The following CEMIP2 variants were observed in gnomAD, a reference collection of about 807,000 sequenced individuals.
CEMIP2 encodes the protein cell surface hyaluronidase CEMIP2.
A neutral mutation model predicts 146.9 loss-of-function variants in CEMIP2; 79 were observed. The ratio of observed to expected loss-of-function variants is 0.54; its 90% CI spans 0.45 to 0.65. The LOEUF (loss-of-function observed/expected upper bound fraction) is 0.65. CEMIP2 is among the 30% of genes least tolerant of loss of function. The probability of loss-of-function intolerance (pLI) is 0.00; values close to 1 mark genes in which losing one functional copy is unlikely to be tolerated. For missense variants in CEMIP2, 1,596 were observed against 1,696.2 expected (o/e 0.94, Z 1.04); for synonymous variants, 601 against 606.3 (o/e 0.99, Z 0.13).
chr9:71,761,704 T>C (rs1009123938), intron 1 of CEMIP2, among the ~76,000 whole-genome samples: 29 of 152,216 alleles, frequency 1.9e-4, no homozygotes, highest in Admixed American at 9.2e-4. Context: ...GGAGACCCAA[T>C]AGTACAAAAA....
chr9:71,766,352 C>T (rs560335738), intron 1 of CEMIP2, among the ~76,000 whole-genome samples: 15 of 152,276 alleles, frequency 9.9e-5, no homozygotes, highest in African/African-American at 2.2e-4. Context: ...GGATTACAGG[C>T]GTGAGCCAAT....
At chr9:71,745,605 C>A in intron 3 of CEMIP2, 26 bp from the exon 4 acceptor site, 1 of 1,537,598 alleles carries the variant, frequency 6.5e-7, no homozygotes. Flanking sequence ...CCCTGTAAGC[C>A]AACTTCTAAA....
At chr9:71,688,316 T>C (rs1291730115) in intron 22 of CEMIP2, among the ~76,000 whole-genome samples, 3 of 152,176 alleles carry the variant, frequency 2.0e-5, no homozygotes, top group African/African-American at 7.2e-5. Flanking sequence ...TATGTCTTAA[T>C]GTGGGTCTCG....
In CEMIP2 at chr9:71,745,416, T is replaced by G; in HGVS notation, c.636A>C (p.Glu212Asp). ...ACTTTTTGCCAAATGTTGGCATACT[T>G]TCACCTTCATCTGACTTGCCATACA... ...ITLYGKSDEG[E>D]SMPTFGKKFI... The change falls in exon 4 of 24, where the codon GAA becomes GAC. Residue 212 changes from glutamate (E) to aspartate (D), a missense_variant. Coordinates refer to ENST00000377044, the MANE Select transcript of CEMIP2 (RefSeq NM_013390.3). 1 of 1,614,140 alleles carries G rather than the reference T, an allele frequency of 6.2e-7. No homozygotes were observed. Among genetic ancestry groups the G allele is most frequent in the Non-Finnish European group, 8.5e-7 (1 of 1,180,022 alleles).
intron 10 of CEMIP2, among the ~76,000 whole-genome samples, chr9:71,728,261 G>GTATATATATA (rs1164205843): frequency 2.0e-4 from 1 of 5,028 alleles, no homozygotes; most frequent in African/African-American, 5.3e-4. Context: ...GTATATACAC[G>GTATATATATA]TATATATATA....
chr9:71,739,403 T>TTC (rs1164568104), intron 5 of CEMIP2, among the ~76,000 whole-genome samples: 1 of 130,632 alleles, frequency 7.7e-6, no homozygotes, highest in Non-Finnish European at 1.7e-5. Context: ...ATGACTACTT[T>TTC]TTTTTTAGTG....
At chr9:71,749,909 G>C in intron 2 of CEMIP2, 134 bp downstream of exon 2, 1 of 673,268 alleles carries the variant, frequency 1.5e-6, no homozygotes, top group East Asian at 2.8e-5. Context: ...TTCATAAGAA[G>C]TGACACCTCG....
chr9:71,761,251 A>G (rs1250775881), intron 1 of CEMIP2, among the ~76,000 whole-genome samples: 1 of 152,264 alleles, frequency 6.6e-6, no homozygotes, highest in Non-Finnish European at 1.5e-5. Context: ...AATGCATTAA[A>G]ATACTTCTCA....
At chr9:71,742,099 G>A (rs1010639882) in intron 4 of CEMIP2, among the ~76,000 whole-genome samples, 9 of 151,860 alleles carry the variant, frequency 5.9e-5, no homozygotes, top group Non-Finnish European at 7.4e-5. Context: ...TCCCACTCTA[G>A]AAAAAAAATA....
At chr9:71,731,739 A>AG (rs1823623246) in intron 7 of CEMIP2, among the ~76,000 whole-genome samples, 2 of 151,584 alleles carry the variant, frequency 1.3e-5, no homozygotes, top group South Asian at 4.3e-4. Context: ...CTCAAAAAAA[A>AG]AAAAAAAATT....
chr9:71,750,499 T>A, intron 1 of CEMIP2, 114 bp from the exon 2 acceptor site: 2 of 800,622 alleles, frequency 2.5e-6, no homozygotes, highest in Non-Finnish European at 3.7e-6. Flanking sequence ...TGGAGTGCAA[T>A]GGCATGATCT....
chr9:71,724,875 T>A (rs1056110447), intron 11 of CEMIP2, among the ~76,000 whole-genome samples: 1 of 152,122 alleles, frequency 6.6e-6, no homozygotes, highest in African/African-American at 2.4e-5. Context: ...TTATTTAATG[T>A]GTACCTCCCT....
chr9:71,731,240 A>G (rs1027045846), intron 7 of CEMIP2, among the ~76,000 whole-genome samples: 8 of 152,202 alleles, frequency 5.3e-5, no homozygotes, highest in African/African-American at 1.9e-4. Flanking sequence ...TTTCACTTCT[A>G]TAACCTCCAT....
rs1302982479 is a variant in CEMIP2, at chr9:71,709,620, A to G, written c.2770-146T>C. 4 of 669,920 alleles carry G rather than the reference A, an allele frequency of 6.0e-6. No individual in the cohort carries two copies. In the Admixed American group the frequency reaches 8.0e-5, roughly 13 times the overall value. 41.5% of individuals were successfully genotyped at this position (669,920 alleles called of 1,614,324 possible). A position where few individuals can be genotyped will look rare whatever the true frequency, so the allele number is the denominator to read the frequency against. ...ACAGTTCATAGTTGTCAGCTATGGC[A>G]CTCAAGTCAGCCTGAGTTTTCTACT... On this transcript the variant is annotated intron_variant, in intron 16 of 23. Coordinates refer to ENST00000377044, the MANE Select transcript of CEMIP2 (RefSeq NM_013390.3).
At position 71,740,340 on chromosome 9, in the gene CEMIP2, G is replaced by A. The variant is rs142284001; in HGVS notation, c.1035-108C>T. On this transcript the variant is annotated intron_variant, in intron 4 of 23. Coordinates refer to ENST00000377044, the MANE Select transcript of CEMIP2 (RefSeq NM_013390.3). ...TGTTTAATTCTCATATTTCATTTTC[G>A]TCAATCCCTAATGTTTTTTCTATAT... 6,358 of 1,340,752 alleles carry A rather than the reference G, an allele frequency of 4.7e-3. 20 individuals are homozygous for A. The highest frequency in any genetic ancestry group is 5.3e-3 in the Non-Finnish European group (5,161 of 980,760). The allele number at this position is 1,340,752 out of a possible 1,614,324, so 83.1% of individuals were successfully genotyped here. A position where few individuals can be genotyped will look rare whatever the true frequency, so the allele number is the denominator to read the frequency against.
intron 7 of CEMIP2, among the ~76,000 whole-genome samples, chr9:71,731,349 G>T (rs1823611311): frequency 1.3e-5 from 2 of 152,128 alleles, no homozygotes; most frequent in Admixed American, 1.3e-4. Flanking sequence ...GTTCTTCTGT[G>T]ATCCAAAGTT....
intron 18 of CEMIP2, among the ~76,000 whole-genome samples, chr9:71,703,055 T>C (rs7039894): frequency 0.97 from 147,395 of 152,294 alleles, 71,417 homozygotes; most frequent in Non-Finnish European, 0.99. Context: ...CTGATGATAT[T>C]AGATTGGGCT....
intron 1 of CEMIP2, among the ~76,000 whole-genome samples, chr9:71,763,060 T>TAAA (rs771563548): frequency 1.1e-4 from 15 of 137,548 alleles, no homozygotes; most frequent in Non-Finnish European, 2.2e-4. Context: ...AACCACAACT[T>TAAA]AAAAAAAAAA....
chr9:71,769,103 G>A (rs989363770), upstream of CEMIP2, among the ~76,000 whole-genome samples: 56 of 152,190 alleles, frequency 3.7e-4, no homozygotes, highest in African/African-American at 1.3e-3. Context: ...CCCAGCCAGC[G>A]CCCCCCGCTG....
Sources: allele counts gnomAD v4.1 joint callset (sites outside exome capture counted in the v4.1 genomes callset), GRCh38; gene constraint gnomAD v4.1.1; transcripts MANE v1.5; gene names NCBI Gene and HGNC (gene_info 2026-07-23, HGNC 2026-07-21).